Variants in PSD2 observed in about 807,000 individuals in gnomAD.
The protein encoded by PSD2 is PH and SEC7 domain-containing protein 2.
PSD2 carries 38 observed loss-of-function variants against 69.8 expected under a neutral mutation model. The observed-to-expected ratio is 0.54, with a 90% confidence interval of 0.42 to 0.71. PSD2 has a LOEUF of 0.71. Among genes scored for constraint, PSD2 ranks in the 30% least tolerant of loss-of-function variants. The probability of loss-of-function intolerance (pLI) is 0.00; values close to 1 mark genes in which losing one functional copy is unlikely to be tolerated. For synonymous variants in PSD2, 412 were observed against 423.0 expected (o/e 0.97, Z 0.32); for missense variants, 943 against 1,014.5 (o/e 0.93, Z 0.96).
the PSD2 span, among the ~76,000 whole-genome samples, chr5:139,745,759 C>A: frequency 3.9e-5 from 6 of 152,218 alleles, no homozygotes; most frequent in Admixed American, 3.9e-4. Context: ...CTCCTGTGTT[C>A]ACGTGTGCCT....
the PSD2 span, among the ~76,000 whole-genome samples, chr5:139,765,531 C>T: frequency 6.6e-6 from 1 of 152,232 alleles, no homozygotes; most frequent in African/African-American, 2.4e-5. Flanking sequence ...CCATGCAGCC[C>T]CTTGCCACAT....
chr5:139,808,263 C>G (rs777118196), intron 1 of PSD2, among the ~76,000 whole-genome samples: 1 of 152,184 alleles, frequency 6.6e-6, no homozygotes, highest in African/African-American at 2.4e-5. Context: ...CTAGGTGGGG[C>G]CAGGGGCAGA....
the PSD2 span, among the ~76,000 whole-genome samples, chr5:139,768,722 TAAA>T: frequency 1.7e-5 from 2 of 114,920 alleles, no homozygotes; most frequent in Admixed American, 9.0e-5. Flanking sequence ...AAACTCCATC[TAAA>T]AAAAAAAAAA....
the PSD2 span, among the ~76,000 whole-genome samples, chr5:139,777,996 T>C: frequency 2.6e-5 from 4 of 152,354 alleles, no homozygotes; most frequent in South Asian, 8.3e-4. Flanking sequence ...TCCTAGAGCC[T>C]GGGAACAAGG....
intron 1 of PSD2, among the ~76,000 whole-genome samples, chr5:139,800,356 A>G (rs972762156): frequency 3.3e-5 from 5 of 152,238 alleles, no homozygotes; most frequent in Non-Finnish European, 4.4e-5. Flanking sequence ...TCCTTAGTGC[A>G]GTCCACCAGG....
chr5:139,811,007 C>G (rs1364464316), intron 2 of PSD2, among the ~76,000 whole-genome samples: 2 of 152,088 alleles, frequency 1.3e-5, no homozygotes. Flanking sequence ...CTGAGAGCTC[C>G]CCACAAGCAG....
chr5:139,840,282 T>C (rs1760842579), intron 14 of PSD2, 112 bp downstream of exon 14: 1 of 1,229,874 alleles, frequency 8.1e-7, no homozygotes, highest in African/African-American at 1.5e-5. Flanking sequence ...GGCTCATTGA[T>C]GTGGGAGCTG....
At chr5:139,758,420 G>A in the PSD2 span, among the ~76,000 whole-genome samples, 1 of 152,256 alleles carries the variant, frequency 6.6e-6, no homozygotes, top group East Asian at 1.9e-4. Context: ...AGGGCAGGGG[G>A]TTAGGCTGTA....
chr5:139,793,621 C>T (rs988357785), upstream of PSD2, among the ~76,000 whole-genome samples: 1 of 152,236 alleles, frequency 6.6e-6, no homozygotes, highest in African/African-American at 2.4e-5. Flanking sequence ...TTCCCCTTTC[C>T]CTGTTCTTTC....
At chr5:139,771,974 C>G in the PSD2 span, among the ~76,000 whole-genome samples, 1,228 of 152,302 alleles carry the variant, frequency 8.1e-3, 4 homozygotes, top group Non-Finnish European at 0.014. Flanking sequence ...TGTCTCCTCG[C>G]TCCCAGCACC....
At chr5:139,755,914 T>TA in the PSD2 span, among the ~76,000 whole-genome samples, 39 of 152,064 alleles carry the variant, frequency 2.6e-4, no homozygotes, top group Middle Eastern at 3.4e-3. Context: ...TTCGTATACT[T>TA]AAAAAAAGCA....
Position 139,839,939 on chromosome 5 carries a change from G to T in PSD2, c.1969-88G>T. ...GCTGGCTAGGCCTTCATTTCCCTTT[G>T]GTGGAGCAGCTCCTGGTAGAACAGG... is the stretch of plus-strand genomic sequence containing the variant. On this transcript the variant is annotated intron_variant, in intron 13 of 14. Coordinates refer to ENST00000274710, the MANE Select transcript of PSD2 (RefSeq NM_032289.4). This position sits in a 1 kb window ranked among gnomAD's most constrained non-coding sequence, Gnocchi z 5.1. 2 of 1,465,298 alleles carry T rather than the reference G, an allele frequency of 1.4e-6. No individual in the cohort carries two copies. The highest frequency in any genetic ancestry group is 1.2e-5 in the South Asian group (1 of 80,716). The allele number at this position is 1,465,298 out of a possible 1,614,324, so 90.8% of individuals were successfully genotyped here.
intron 3 of PSD2, among the ~76,000 whole-genome samples, 158 bp downstream of exon 3, chr5:139,813,916 C>G (rs1304441220): frequency 1.3e-5 from 2 of 152,220 alleles, no homozygotes; most frequent in African/African-American, 4.8e-5. Context: ...CACCCTGTGT[C>G]CTGAGGTTTC....
the PSD2 span, among the ~76,000 whole-genome samples, chr5:139,750,905 C>T: frequency 6.6e-6 from 1 of 152,086 alleles, no homozygotes; most frequent in Non-Finnish European, 1.5e-5. Context: ...CAGGACTGAG[C>T]GATTTAGATC....
the PSD2 span, among the ~76,000 whole-genome samples, chr5:139,751,667 T>C: frequency 3.3e-5 from 5 of 152,182 alleles, no homozygotes; most frequent in Admixed American, 2.6e-4. Flanking sequence ...CTGTGAGCGT[T>C]CTGTGAGATA....
At chr5:139,791,993 C>A (rs1377835545), upstream of PSD2, among the ~76,000 whole-genome samples, 1 of 152,022 alleles carries the variant, frequency 6.6e-6, no homozygotes, top group African/African-American at 2.4e-5. Context: ...AATGAGAGTG[C>A]GTGAAGGGGA....
the PSD2 span, among the ~76,000 whole-genome samples, chr5:139,744,403 G>C: frequency 6.6e-6 from 1 of 152,170 alleles, no homozygotes; most frequent in Non-Finnish European, 1.5e-5. Context: ...CCTTTCTAGA[G>C]CAGGGGTATT....
In PSD2 at chr5:139,837,714, C is replaced by T; in HGVS notation, c.1755C>T (p.Asp585=). 6.2e-7 allele frequency: 1 copy of T among 1,614,126 alleles called. No homozygotes were observed. Among genetic ancestry groups the T allele is most frequent in the Non-Finnish European group, 8.5e-7 (1 of 1,179,964 alleles). ...VHHALATRAS[D]YSKKSNVLKL... ...ACGCTCTGGCCACCAGGGCCTCTGA[C>T]TACAGCAAGAAGTCCAACGTGCTGA... Residue 585 remains aspartate (D), a synonymous_variant, in exon 12 of 15, where the codon GAC becomes GAT. Transcript: ENST00000274710. The surrounding 1 kb of genome is among the most constrained non-coding windows in gnomAD (Gnocchi z 5.0).
At position 139,814,362 on chromosome 5, in the gene PSD2, G is replaced by A. The variant is rs1760064681; in HGVS notation, c.1014G>A (p.Lys338=). Residue 338 remains lysine, a splice_region_variant and synonymous_variant, in exon 4 of 15, where the codon AAG becomes AAA. Transcript: ENST00000274710. This position sits in a 1 kb window ranked among gnomAD's most constrained non-coding sequence, Gnocchi z 4.4. ...GTGATGTGGCCCGGCAGCTGGGCAAGAAGTGAGTGTGAGCTCCCCTGCCCC... is the reference window on the plus strand; with the variant it reads ...GTGATGTGGCCCGGCAGCTGGGCAAAAAGTGAGTGTGAGCTCCCCTGCCCC... ...QRCDVARQLG[K]NNEFSRLVAG... 2.5e-6 allele frequency: 4 copies of A among 1,598,334 alleles called. No homozygotes were observed. The highest frequency in any genetic ancestry group is 2.6e-6 in the Non-Finnish European group (3 of 1,172,146).
Sources: allele counts gnomAD v4.1 joint callset (sites outside exome capture counted in the v4.1 genomes callset), GRCh38; gene constraint gnomAD v4.1.1; non-coding constraint Gnocchi (gnomAD v3.1); transcripts MANE v1.5; gene names NCBI Gene and HGNC (gene_info 2026-07-23, HGNC 2026-07-21).